TULP4: variants seen among roughly 807,000 people sequenced by gnomAD.
The protein encoded by TULP4 is TUB like protein 4, also known as tubby-related protein 4.
A neutral mutation model predicts 129.0 loss-of-function variants in TULP4; 16 were observed. That is an observed-to-expected ratio of 0.12 (90% CI 0.08 to 0.19). The LOEUF (loss-of-function observed/expected upper bound fraction) is 0.19, where lower values mean the gene tolerates loss of function less well. Among genes scored for constraint, TULP4 ranks in the 10% least tolerant of loss-of-function variants. The pLI is 1.00. For synonymous variants in TULP4, 998 were observed against 854.0 expected (o/e 1.17, Z -2.94); for missense variants, 1,842 against 2,059.1 (o/e 0.89, Z 2.04).
Position 158,413,275 on chromosome 6 carries a change from G to A in TULP4, c.381+82G>A. ...CAGGCATTCCGGAGCCAGTGCGTTA[G>A]CACCACACAGCGCCACGTGCTCCAG... On this transcript the variant is annotated intron_variant, in intron 2 of 13. Coordinates refer to ENST00000367097, the MANE Select transcript of TULP4 (RefSeq NM_020245.5). This position sits in a 1 kb window ranked among gnomAD's most constrained non-coding sequence, Gnocchi z 4.9. 1 of 1,471,720 alleles carries A rather than the reference G, an allele frequency of 6.8e-7. No homozygotes were observed. The highest frequency in any genetic ancestry group is 9.1e-7 in the Non-Finnish European group (1 of 1,096,706). The allele number at this position is 1,471,720 out of a possible 1,614,324, so 91.2% of individuals were successfully genotyped here. A position where few individuals can be genotyped will look rare whatever the true frequency, so the allele number is the denominator to read the frequency against.
chr6:158,243,038 C>T (rs188185759), intron 1 of TULP4, among the ~76,000 whole-genome samples: 304 of 152,270 alleles, frequency 2.0e-3, no homozygotes, highest in African/African-American at 6.5e-3. Flanking sequence ...CCGCCCGCCT[C>T]GGCCTCCCAA....
intron 1 of TULP4, among the ~76,000 whole-genome samples, chr6:158,305,095 T>C (rs1779194319): frequency 6.6e-6 from 1 of 152,136 alleles, no homozygotes; most frequent in African/African-American, 2.4e-5. Context: ...AAACACTAAC[T>C]CTTTATTTCC....
At chr6:158,234,338 G>GAAA (rs75187010) in intron 1 of TULP4, among the ~76,000 whole-genome samples, 53,310 of 151,730 alleles carry the variant, frequency 0.35, 9,792 homozygotes, top group East Asian at 0.53. Context: ...GGCGAGTAAT[G>GAAA]GAAGAGTCAA....
chr6:158,310,015 A>G (rs1327808084), upstream of TULP4, among the ~76,000 whole-genome samples: 1 of 152,044 alleles, frequency 6.6e-6, no homozygotes, highest in Non-Finnish European at 1.5e-5. Context: ...TACTTTGTTC[A>G]TGTTCAAGAA....
At chr6:158,417,370 A>G (rs1778233194) in intron 2 of TULP4, among the ~76,000 whole-genome samples, 1 of 152,252 alleles carries the variant, frequency 6.6e-6, no homozygotes, top group African/African-American at 2.4e-5. Context: ...TGGGCCACAG[A>G]ACATCTGGAA....
chr6:158,248,712 A>T (rs1778080243), intron 1 of TULP4, among the ~76,000 whole-genome samples: 2 of 152,080 alleles, frequency 1.3e-5, no homozygotes, highest in African/African-American at 2.4e-5. Flanking sequence ...ACCGCACTCT[A>T]GCCTGGGTAA....
chr6:158,303,078 GT>G (rs1469873896), intron 1 of TULP4, among the ~76,000 whole-genome samples: 1 of 149,048 alleles, frequency 6.7e-6, no homozygotes, highest in Non-Finnish European at 1.5e-5. Context: ...CCTTGAATGT[GT>G]ATGGTGCAGG....
intron 1 of TULP4, among the ~76,000 whole-genome samples, chr6:158,335,104 G>A (rs1039696458): frequency 4.0e-5 from 6 of 151,758 alleles, no homozygotes; most frequent in East Asian, 1.9e-4. Context: ...GGTGAAACCC[G>A]GTCTCTACTA....
At position 158,503,669 on chromosome 6, in the gene TULP4, A is replaced by C; in HGVS notation, c.4006A>C (p.Lys1336Gln). ...CCAGCGGACAGAAAAATTTGGAAAG[A>C]AGAACCGGAAGCGCCTGGACAGCCG... is the stretch of plus-strand genomic sequence containing the variant. ...VPQRTEKFGK[K>Q]NRKRLDSRAE... is the part of the protein sequence containing the mutation. Residue 1336 changes from lysine to glutamine, a missense_variant, in exon 13 of 14, where the codon AAG (lysine) becomes CAG (glutamine). Around this residue, in one of 5 missense-constraint regions of TULP4, gnomAD observed 1,089 missense variants for 987.1 expected, o/e 1.10. Transcript: ENST00000367097. This position sits in a 1 kb window ranked among gnomAD's most constrained non-coding sequence, Gnocchi z 4.3. 1.9e-6 allele frequency: 3 copies of C among 1,614,014 alleles called. No individual in the cohort carries two copies. Among genetic ancestry groups the C allele is most frequent in the South Asian group, 1.1e-5 (1 of 91,078 alleles).
At chr6:158,432,578 C>T (rs1343131168) in intron 3 of TULP4, among the ~76,000 whole-genome samples, 3 of 152,148 alleles carry the variant, frequency 2.0e-5, no homozygotes, top group Non-Finnish European at 4.4e-5. Context: ...ATAAGCAGTG[C>T]ATGGCTGGGC....
chr6:158,292,052 T>C (rs112897460), intron 1 of TULP4, among the ~76,000 whole-genome samples: 4 of 152,346 alleles, frequency 2.6e-5, no homozygotes, highest in African/African-American at 9.6e-5. Flanking sequence ...GATTTTTGGT[T>C]GAACCTTATC....
intron 1 of TULP4, among the ~76,000 whole-genome samples, chr6:158,352,489 C>T (rs1247991861): frequency 3.3e-5 from 5 of 152,142 alleles, no homozygotes; most frequent in Admixed American, 6.5e-5. Flanking sequence ...CTCCACCTCC[C>T]GGGTTCAAGT....
At chr6:158,296,099 A>G (rs1779025735) in intron 1 of TULP4, among the ~76,000 whole-genome samples, 1 of 152,194 alleles carries the variant, frequency 6.6e-6, no homozygotes, top group Non-Finnish European at 1.5e-5. Flanking sequence ...GATTCATATT[A>G]TAGGTATTCT....
rs1009842902 is a variant in TULP4 at position 158,462,232 on chromosome 6, A to G, written c.1026+503A>G. Among the ~76,000 whole-genome samples the G allele has an allele frequency of 2.6e-5, 4 of 152,164 alleles. No homozygotes were observed. The South Asian group carries it at 6.2e-4, about 24-fold the overall frequency. ...GACTACAGGCTTAAATGCTTCACGG[A>G]AACAGAGAAAGAAGGGTGATATTCA... On this transcript the variant is annotated intron_variant, in intron 6 of 13. Coordinates refer to ENST00000367097, the MANE Select transcript of TULP4 (RefSeq NM_020245.5).
intron 1 of TULP4, among the ~76,000 whole-genome samples, chr6:158,266,861 G>A (rs1583689202): frequency 1.3e-5 from 2 of 152,204 alleles, no homozygotes; most frequent in Admixed American, 6.5e-5. Flanking sequence ...TAATTCAGTG[G>A]CATTAAGTAC....
chr6:158,241,876 AGCCACC>A (rs1288700296), intron 1 of TULP4: 2 of 701,852 alleles, frequency 2.8e-6, no homozygotes, highest in African/African-American at 3.5e-5. Context: ...TACAGGCATG[AGCCACC>A]GCGCCAGGCC....
intron 8 of TULP4, among the ~76,000 whole-genome samples, chr6:158,482,823 C>G (rs1245281329): frequency 6.6e-6 from 1 of 152,198 alleles, no homozygotes; most frequent in Non-Finnish European, 1.5e-5. Flanking sequence ...AAATTCTTCA[C>G]TGAAGAAGAC....
chr6:158,369,852 A>G (rs1777034267), intron 1 of TULP4, among the ~76,000 whole-genome samples: 1 of 152,106 alleles, frequency 6.6e-6, no homozygotes, highest in Non-Finnish European at 1.5e-5. Context: ...TCCCTTTTCC[A>G]TCTTTGACTT....
chr6:158,489,850 T>C (rs1780159310), intron 9 of TULP4, 118 bp downstream of exon 9: 9 of 1,239,918 alleles, frequency 7.3e-6, no homozygotes, highest in Non-Finnish European at 1.0e-5. Context: ...CTCCCTGCCT[T>C]TTCTTCCAGA....
Sources: allele counts gnomAD v4.1 joint callset (sites outside exome capture counted in the v4.1 genomes callset), GRCh38; gene constraint gnomAD v4.1.1; regional missense constraint gnomAD v4.1.1; non-coding constraint Gnocchi (gnomAD v3.1); transcripts MANE v1.5; gene names NCBI Gene and HGNC (gene_info 2026-07-23, HGNC 2026-07-21).